CDKN1C: variants seen among roughly 807,000 people sequenced by gnomAD.
CDKN1C encodes the protein cyclin dependent kinase inhibitor 1C, also known as cyclin-dependent kinase inhibitor 1C.
In CDKN1C, 7 loss-of-function variants were observed where a neutral mutation model predicts 16.5. The ratio of observed to expected loss-of-function variants is 0.42; its 90% CI spans 0.24 to 0.80. The LOEUF (loss-of-function observed/expected upper bound fraction) is 0.80, where lower values mean the gene tolerates loss of function less well. Among genes scored for constraint, CDKN1C ranks in the 30% least tolerant of loss-of-function variants. CDKN1C has a pLI of 0.26. For missense variants in CDKN1C, 429 were observed against 437.3 expected, an observed-to-expected ratio of 0.98 and a Z score of 0.17; for synonymous variants, 288 against 214.4, an observed-to-expected ratio of 1.34 and a Z score of -3.00.
Position 2,885,727 on chromosome 11 carries a change from C to T in CDKN1C, c.-104G>A, listed in dbSNP as rs1048800712. 5.0e-6 allele frequency: 3 copies of T among 596,884 alleles called. No homozygotes were observed. Among genetic ancestry groups the T allele is most frequent in the Non-Finnish European group, 8.9e-6 (3 of 335,984 alleles). The allele number at this position is 596,884 out of a possible 1,614,324, so 37.0% of individuals were successfully genotyped here. A position where few individuals can be genotyped will look rare whatever the true frequency, so the allele number is the denominator to read the frequency against. Reference sequence around the variant, plus strand: ...CTCGATGCCTGCTGGCTAGCTCGCTCGCTCAGGCCTGGCCGGCACCCCTCG... The same window carrying T: ...CTCGATGCCTGCTGGCTAGCTCGCTTGCTCAGGCCTGGCCGGCACCCCTCG... On this transcript the variant is annotated 5_prime_UTR_variant, in exon 1 of 4. Transcript: ENST00000440480.
Position 2,884,948 on chromosome 11 carries a change from G to T in CDKN1C, c.509C>A (p.Ala170Asp), listed in dbSNP as rs1332953428. The change falls in exon 2 of 4, where the codon GCC (alanine) becomes GAC (aspartate). Residue 170 changes from alanine (A) to aspartate (D), a missense_variant. Ala to Asp is a moderately radical substitution (Grantham distance 126, BLOSUM62 -2). Coordinates refer to ENST00000440480, the MANE Select transcript of CDKN1C (RefSeq NM_001122630.2). ...AGCCGGAGCCGGAGCCGGGGCCGGGGCCGGGGCCAGGACCGCGACCGCGAC... is the reference window on the plus strand; with the variant it reads ...AGCCGGAGCCGGAGCCGGGGCCGGGTCCGGGGCCAGGACCGCGACCGCGAC... ...APVAVAVLAP[A>D]PAPAPAPAPA... is the part of the protein sequence containing the mutation. 3 of 1,011,702 alleles carry T rather than the reference G, an allele frequency of 3.0e-6. No homozygotes were observed. The highest frequency in any genetic ancestry group is 4.4e-5 in the East Asian group (1 of 22,982). 62.7% of individuals were successfully genotyped at this position (1,011,702 alleles called of 1,614,324 possible).
At position 2,883,824 on chromosome 11, in the gene CDKN1C, TTGC is replaced by T. The variant is rs1848861899; in HGVS notation, c.*94_*96del. On this transcript the variant is annotated 3_prime_UTR_variant, in exon 4 of 4. Coordinates refer to ENST00000440480, the MANE Select transcript of CDKN1C (RefSeq NM_001122630.2). ...GCTGCTCTGCGGCAGCCGCCGCCGG[TTGC>T]TGCTACATGAACGGTCCCAGCCGAG... 3 of 1,527,392 alleles carry T rather than the reference TTGC, an allele frequency of 2.0e-6. No individual in the cohort carries two copies. Among genetic ancestry groups the T allele is most frequent in the Non-Finnish European group, 8.8e-7 (1 of 1,141,066 alleles). The allele number at this position is 1,527,392 out of a possible 1,614,324, so 94.6% of individuals were successfully genotyped here.
rs1848857897 is a variant in CDKN1C, at chr11:2,883,702, TG to T, written c.*218del. The T allele has an allele frequency of 1.7e-6, 2 of 1,166,666 alleles. No homozygotes were observed. The highest frequency in any genetic ancestry group is 3.6e-5 in the Admixed American group (1 of 28,102). 72.3% of individuals were successfully genotyped at this position (1,166,666 alleles called of 1,614,324 possible). On this transcript the variant is annotated 3_prime_UTR_variant, in exon 4 of 4. Coordinates refer to ENST00000440480, the MANE Select transcript of CDKN1C (RefSeq NM_001122630.2). ...AAATGACTCTTAAAGCTTTACACCT[TG>T]GGACCAGTGTACCTTCTCGTGCAGA...
In CDKN1C at chr11:2,884,676, T is replaced by C; in HGVS notation, c.781A>G (p.Ile261Val). 1 of 1,398,946 alleles carries C rather than the reference T, an allele frequency of 7.1e-7. No homozygotes were observed. Among genetic ancestry groups the C allele is most frequent in the Non-Finnish European group, 9.3e-7 (1 of 1,075,248 alleles). 86.7% of individuals were successfully genotyped at this position (1,398,946 alleles called of 1,614,324 possible). ...GGGGCCGTGCGGGGCTCACCGGAGA[T>C]CAGAGGCCCGGACAGCTTCTTGATC... ...AAIKKLSGPL[I>V]SDFFAKRKRS... Residue 261 changes from isoleucine to valine, a missense_variant, in exon 2 of 4, where the codon ATC (isoleucine) becomes GTC (valine). Transcript: ENST00000440480.
Position 2,884,057 on chromosome 11 carries a change from C to A in CDKN1C, c.865G>T (p.Ala289Ser), listed in dbSNP as rs755160554. ...TCCACCGAGCCCACGCCAGGGGCGG[C>A]GCTTGGAGAGGGACACGGCGCGGGG... ...DVPAPCPSPS[A>S]APGVGSVEQT... The change falls in exon 3 of 4, where the codon GCC becomes TCC. Residue 289 changes from alanine to serine, a missense_variant. Transcript: ENST00000440480. 2.8e-5 allele frequency: 44 copies of A among 1,553,344 alleles called. No individual in the cohort carries two copies. In the South Asian group the frequency reaches 4.6e-4, roughly 16 times the overall value.
chr11:2,884,109 T>C lies in CDKN1C; in HGVS notation c.813A>G (p.Ser271=), dbSNP rs1848882059. Residue 271 remains serine, a synonymous_variant, in exon 3 of 4, where the codon TCA becomes TCG. Transcript: ENST00000440480. The stretch of plus-strand genomic sequence containing the variant: ...CATCGCCCGACGACTTCTCAGGCGC[T>C]GATCTCTTGCGCTTGGCGAAGAAAT... The part of the protein sequence containing the change: ...ISDFFAKRKR[S]APEKSSGDVP... 1.3e-6 allele frequency: 2 copies of C among 1,523,228 alleles called. No individual in the cohort carries two copies. Among genetic ancestry groups the C allele is most frequent in the Non-Finnish European group, 8.8e-7 (1 of 1,134,430 alleles). 94.4% of individuals were successfully genotyped at this position (1,523,228 alleles called of 1,614,324 possible). A position where few individuals can be genotyped will look rare whatever the true frequency, so the allele number is the denominator to read the frequency against.
intron 1 of CDKN1C, 72 bp downstream of exon 1, chr11:2,885,562 G>A: frequency 2.0e-6 from 3 of 1,517,414 alleles, no homozygotes; most frequent in African/African-American, 2.7e-5. Flanking sequence ...GAGAGGAGGA[G>A]AGGGCGGAGG....
In CDKN1C at chr11:2,883,680, T is replaced by C. The variant is rs1232087086; in HGVS notation, c.*241A>G. ...GCAGAGATTAAACATTTTATATAAA[T>C]GACTCTTAAAGCTTTACACCTTGGG... On this transcript the variant is annotated 3_prime_UTR_variant, in exon 4 of 4. Coordinates refer to ENST00000440480, the MANE Select transcript of CDKN1C (RefSeq NM_001122630.2). 48 of 847,366 alleles carry C rather than the reference T, an allele frequency of 5.7e-5. No individual in the cohort carries two copies. The highest frequency in any genetic ancestry group is 1.6e-6 in the Non-Finnish European group (1 of 624,398). The allele number at this position is 847,366 out of a possible 1,614,324, so 52.5% of individuals were successfully genotyped here. A position where few individuals can be genotyped will look rare whatever the true frequency, so the allele number is the denominator to read the frequency against.
chr11:2,884,422 G>A (rs1188377452), intron 2 of CDKN1C: 7 of 260,060 alleles, frequency 2.7e-5, no homozygotes, highest in Middle Eastern at 1.1e-3. Context: ...GCGGCCGGGG[G>A]CGAAAACTGC....
In CDKN1C at chr11:2,885,195, GC is replaced by G; in HGVS notation, c.261del (p.Arg88AlafsTer173). ...CGCGGCGCCAGCAGCAGGCGGCAGC[GC>G]CCCACCTGCACCGTCTCGCGGTAGA... ...PAFYRETVQV[G>X]RCRLLLAPRP... On this transcript the variant is annotated frameshift_variant, in exon 2 of 4. Transcript: ENST00000440480. LOFTEE classifies it high-confidence loss of function. 1 of 1,536,984 alleles carries G rather than the reference GC, an allele frequency of 6.5e-7. No homozygotes were observed.
At position 2,884,741 on chromosome 11, in the gene CDKN1C, G is replaced by T. The variant is rs753022994; in HGVS notation, c.716C>A (p.Pro239His). ...GCTGGCGGCCGCGGTGCCGGCCGCGGGACGTCCCGAAATCCCCGAGTGCAG... is the reference window on the plus strand; with the variant it reads ...GCTGGCGGCCGCGGTGCCGGCCGCGTGACGTCCCGAAATCCCCGAGTGCAG... ...DQLHSGISGR[P>H]AAGTAAASAN... Residue 239 changes from proline to histidine, a missense_variant, in exon 2 of 4, where the codon CCC (proline) becomes CAC (histidine). Transcript: ENST00000440480. 1 of 1,510,120 alleles carries T rather than the reference G, an allele frequency of 6.6e-7. No individual in the cohort carries two copies. Among genetic ancestry groups the T allele is most frequent in the Admixed American group, 2.0e-5 (1 of 50,984 alleles). 93.5% of individuals were successfully genotyped at this position (1,510,120 alleles called of 1,614,324 possible).
chr11:2,884,460 A>T, intron 2 of CDKN1C: 5 of 300,228 alleles, frequency 1.7e-5, no homozygotes, highest in Non-Finnish European at 1.8e-5. Flanking sequence ...GCCGGGATTC[A>T]GCCTCCCACC....
chr11:2,884,243 C>T, intron 2 of CDKN1C, 109 bp from the exon 3 acceptor site: 1 of 722,974 alleles, frequency 1.4e-6, no homozygotes, highest in Non-Finnish European at 1.7e-6. Flanking sequence ...GGGCGCCGTC[C>T]CCGCCCGCGC....
At position 2,884,917 on chromosome 11, in the gene CDKN1C, GGCCGGAGCCGGA is replaced by G. The variant is rs878853632; in HGVS notation, c.528_539del (p.Ala180_Pro183del). 9 of 882,232 alleles carry G rather than the reference GGCCGGAGCCGGA, an allele frequency of 1.0e-5. No individual in the cohort carries two copies. The South Asian group carries it at 1.5e-4, about 15-fold the overall frequency. The allele number at this position is 882,232 out of a possible 1,614,324, so 54.7% of individuals were successfully genotyped here. Reference sequence around the variant, plus strand: ...GGGCCGGGGCCGCGACTGGAGCCGGGGCCGGAGCCGGAGCCGGAGCCGGGGCCGGGGCCGGGG... The same window carrying G: ...GGGCCGGGGCCGCGACTGGAGCCGGGGCCGGAGCCGGGGCCGGGGCCGGGG... On this transcript the variant is annotated inframe_deletion, in exon 2 of 4. Transcript: ENST00000440480.
rs878853629 is a variant in CDKN1C at position 2,884,935 on chromosome 11, AGCCGGG to A, written c.516_521del (p.Ala182_Pro183del). 1.4e-4 allele frequency: 128 copies of A among 900,922 alleles called. No homozygotes were observed. The Middle Eastern group carries it at 1.8e-3, about 13-fold the overall frequency. The allele number at this position is 900,922 out of a possible 1,614,324, so 55.8% of individuals were successfully genotyped here. On this transcript the variant is annotated inframe_deletion, in exon 2 of 4. Transcript: ENST00000440480. ...GAGCCGGGGCCGGAGCCGGAGCCGGAGCCGGGGCCGGGGCCGGGGCCAGGACCGCGA... is the reference window on the plus strand; with the variant it reads ...GAGCCGGGGCCGGAGCCGGAGCCGGAGCCGGGGCCGGGGCCAGGACCGCGA...
At chr11:2,885,593 G>C in intron 1 of CDKN1C, 41 bp downstream of exon 1, 1 of 1,398,478 alleles carries the variant, frequency 7.2e-7, no homozygotes, top group Non-Finnish European at 9.7e-7. Context: ...GGGAGACCCC[G>C]CGCCGCCCGA....
rs1590149634 is a variant in CDKN1C, at chr11:2,884,887, G to A, written c.570C>T (p.Ala190=). The part of the protein sequence containing the change: ...APAPVAAPAP[A]PAPAPAPAPA... The stretch of plus-strand genomic sequence containing the variant: ...GGGCCGGGGCCGGGGCCGGGGCCGG[G>A]GCTGGGGCCGGGGCCGCGACTGGAG... The change falls in exon 2 of 4, where the codon GCC becomes GCT. Residue 190 remains alanine, a synonymous_variant. Coordinates refer to ENST00000440480, the MANE Select transcript of CDKN1C (RefSeq NM_001122630.2). 10 of 888,194 alleles carry A rather than the reference G, an allele frequency of 1.1e-5. No individual in the cohort carries two copies. The highest frequency in any genetic ancestry group is 5.3e-4 in the Middle Eastern group (1 of 1,886). 55.0% of individuals were successfully genotyped at this position (888,194 alleles called of 1,614,324 possible). A position where few individuals can be genotyped will look rare whatever the true frequency, so the allele number is the denominator to read the frequency against.
Position 2,885,235 on chromosome 11 carries a change from G to A in CDKN1C, c.222C>T (p.Asp74=). The A allele has an allele frequency of 6.4e-7, 1 of 1,553,716 alleles. No homozygotes were observed. The highest frequency in any genetic ancestry group is 8.7e-7 in the Non-Finnish European group (1 of 1,151,284). The change falls in exon 2 of 4, where the codon GAC becomes GAT. Residue 74 remains aspartate (D), a synonymous_variant. Coordinates refer to ENST00000440480, the MANE Select transcript of CDKN1C (RefSeq NM_001122630.2). The stretch of plus-strand genomic sequence containing the variant: ...TCTCGCGGTAGAACGCGGGCACCGA[G>A]TCGCTGTCCACTTCGGTCCACTGCA... ...GRLQWTEVDS[D]SVPAFYRETV... is the part of the protein sequence containing the mutation.
rs772684721 is a variant in CDKN1C, at chr11:2,885,138, G to A, written c.319C>T (p.Pro107Ser). The A allele has an allele frequency of 2.0e-6, 3 of 1,497,832 alleles. No homozygotes were observed. The highest frequency in any genetic ancestry group is 2.6e-5 in the South Asian group (2 of 77,652). The allele number at this position is 1,497,832 out of a possible 1,614,324, so 92.8% of individuals were successfully genotyped here. Residue 107 changes from proline (P) to serine (S), a missense_variant, in exon 2 of 4, where the codon CCC (proline) becomes TCC (serine). Physicochemically the swap from Pro to Ser is moderately conservative, Grantham distance 74 (BLOSUM62 -1). Coordinates refer to ENST00000440480, the MANE Select transcript of CDKN1C (RefSeq NM_001122630.2). ...AGGGACTCAGCGGCCGGCTCGAGGG[G>A]CGGGCTGACAGCCACCGCGACCGCG... ...PVAVAVAVSP[P>S]LEPAAESLDG... is the part of the protein sequence containing the mutation.
Sources: gnomAD v4.1 joint callset for allele counts on GRCh38, gnomAD v4.1.1 for gene constraint, MANE v1.5 for transcripts, NCBI Gene and HGNC (gene_info 2026-07-23, HGNC 2026-07-21) for gene names.